Variants in DDX19B observed in about 807,000 individuals in gnomAD.
DDX19B encodes DEAD-box helicase 19B.
Under a neutral mutation model 58.1 loss-of-function variants are expected in DDX19B, and 27 were observed. The ratio of observed to expected loss-of-function variants is 0.46; its 90% confidence interval spans 0.34 to 0.64. The LOEUF (loss-of-function observed/expected upper bound fraction) is 0.64. DDX19B is among the 30% of genes least tolerant of loss of function. The probability of loss-of-function intolerance (pLI) is 0.01; values close to 1 mark genes in which losing one functional copy is unlikely to be tolerated. For synonymous variants in DDX19B, 187 were observed against 214.4 expected (o/e 0.87, Z 1.12); for missense variants, 399 against 596.5 (o/e 0.67, Z 3.45).
intron 5 of DDX19B, among the ~76,000 whole-genome samples, chr16:70,321,345 C>G (rs1597488377): frequency 6.6e-6 from 1 of 152,110 alleles, no homozygotes; most frequent in Non-Finnish European, 1.5e-5. Flanking sequence ...GTCTTGAACT[C>G]CTACGCTCAA....
chr16:70,295,845 T>C (rs1213364733), upstream of DDX19B, among the ~76,000 whole-genome samples: 1 of 151,484 alleles, frequency 6.6e-6, no homozygotes, highest in Non-Finnish European at 1.5e-5. Flanking sequence ...GCCACTGCAC[T>C]CCAGCCTGGG....
chr16:70,292,671 T>G (rs1961090827), upstream of DDX19B, among the ~76,000 whole-genome samples: 3 of 152,194 alleles, frequency 2.0e-5, no homozygotes. Flanking sequence ...GGCCTGTAGG[T>G]GGGAGTGAGC....
chr16:70,311,319 G>T (rs972822517), intron 1 of DDX19B, among the ~76,000 whole-genome samples: 2 of 151,826 alleles, frequency 1.3e-5, no homozygotes, highest in African/African-American at 2.4e-5. Context: ...GGCAGAGCTT[G>T]CAGTGAGCTG....
chr16:70,330,145 C>T, intron 9 of DDX19B, 77 bp downstream of exon 9: 1 of 1,530,666 alleles, frequency 6.5e-7, no homozygotes, highest in Admixed American at 1.8e-5. Context: ...GGACTGGATG[C>T]CCCTGGGTGC....
At chr16:70,322,891 CA>C (rs113261271) in intron 5 of DDX19B, among the ~76,000 whole-genome samples, 670 of 48,152 alleles carry the variant, frequency 0.014, no homozygotes, top group African/African-American at 0.016. Context: ...AACTCCGTTG[CA>C]AAAAAAAAAA....
At position 70,314,776 on chromosome 16, in the gene DDX19B, G is replaced by C. The variant is rs772606299; in HGVS notation, c.107-126G>C. 5.7e-4 allele frequency: 512 copies of C among 894,244 alleles called. 2 individuals are homozygous for C. The highest frequency in any genetic ancestry group is 2.3e-3 in the Middle Eastern group (10 of 4,444). The allele number at this position is 894,244 out of a possible 1,614,324, so 55.4% of individuals were successfully genotyped here. A position where few individuals can be genotyped will look rare whatever the true frequency, so the allele number is the denominator to read the frequency against. On this transcript the variant is annotated intron_variant, in intron 2 of 11. Coordinates refer to ENST00000288071, the MANE Select transcript of DDX19B (RefSeq NM_007242.7). ...AATAAAATGTTTTTATCAGCGGCTC[G>C]GTTTCCTCATTTATTTTTTGCTCCC...
intron 7 of DDX19B, 40 bp downstream of exon 7, chr16:70,325,728 C>A: frequency 6.9e-7 from 1 of 1,439,282 alleles, no homozygotes; most frequent in Non-Finnish European, 9.7e-7. Context: ...CAACCTAATT[C>A]TTTTTATTTT....
chr16:70,328,082 A>T (rs1249322901), intron 7 of DDX19B, among the ~76,000 whole-genome samples: 1 of 150,742 alleles, frequency 6.6e-6, no homozygotes, highest in East Asian at 2.0e-4. Flanking sequence ...TGAACCCGGG[A>T]GGGGGAGGTT....
At chr16:70,299,429 TC>T (rs1961367507) in intron 1 of DDX19B, 75 bp downstream of exon 1, 2 of 1,475,942 alleles carry the variant, frequency 1.4e-6, no homozygotes, top group Admixed American at 4.7e-5. Flanking sequence ...AAAGAATGTT[TC>T]CCAGGTTGAT....
At chr16:70,303,247 C>G (rs1475032068) in intron 1 of DDX19B, among the ~76,000 whole-genome samples, 6 of 152,154 alleles carry the variant, frequency 3.9e-5, no homozygotes, top group Non-Finnish European at 8.8e-5. Flanking sequence ...CTCCTGGGCT[C>G]AAGGGATTCT....
intron 5 of DDX19B, among the ~76,000 whole-genome samples, chr16:70,318,250 T>G (rs1962548905): frequency 6.6e-6 from 1 of 151,856 alleles, no homozygotes; most frequent in African/African-American, 2.4e-5. Context: ...GGTGTGCTCC[T>G]GTAGTCCCAG....
At chr16:70,304,143 C>A (rs1286683642) in intron 1 of DDX19B, among the ~76,000 whole-genome samples, 1 of 151,218 alleles carries the variant, frequency 6.6e-6, no homozygotes, top group African/African-American at 2.4e-5. Flanking sequence ...GGGGTTCAAG[C>A]AATTCTCCTG....
chr16:70,297,107 G>T (rs1028258813), upstream of DDX19B, among the ~76,000 whole-genome samples: 3 of 152,054 alleles, frequency 2.0e-5, no homozygotes, highest in Admixed American at 2.0e-4. Flanking sequence ...GTAGAGACAG[G>T]GTTTCACCAT....
At chr16:70,314,724 G>A (rs1043045462) in intron 2 of DDX19B, 178 bp from the exon 3 acceptor site, 8 of 572,524 alleles carry the variant, frequency 1.4e-5, no homozygotes, top group South Asian at 1.0e-4. Context: ...GAGCAACAGT[G>A]TTTTACACCT....
Position 70,329,885 on chromosome 16 carries a change from T to C in DDX19B, c.840T>C (p.Ser280=), listed in dbSNP as rs997554307. Residue 280 remains serine, a synonymous_variant, in exon 9 of 12, where the codon TCT becomes TCC. Coordinates refer to ENST00000288071, the MANE Select transcript of DDX19B (RefSeq NM_007242.7). The stretch of plus-strand genomic sequence containing the variant: ...TTTTCTCCGCCACCTTTGAAGACTC[T>C]GTGTGGAAGTTTGCCCAGAAAGTGG... The part of the protein sequence containing the change: ...MLLFSATFED[S]VWKFAQKVVP... The C allele has an allele frequency of 1.2e-6, 2 of 1,614,110 alleles. No individual in the cohort carries two copies. Among genetic ancestry groups the C allele is most frequent in the African/African-American group, 2.7e-5 (2 of 74,930 alleles).
intron 5 of DDX19B, among the ~76,000 whole-genome samples, chr16:70,319,259 A>G (rs1412586659): frequency 6.6e-6 from 1 of 152,230 alleles, no homozygotes; most frequent in African/African-American, 2.4e-5. Flanking sequence ...TGTGTCAAAT[A>G]TAATAGAAGC....
upstream of DDX19B, among the ~76,000 whole-genome samples, chr16:70,297,510 G>T (rs1176323344): frequency 6.6e-6 from 1 of 152,192 alleles, no homozygotes; most frequent in Non-Finnish European, 1.5e-5. Flanking sequence ...ATTGTGCCCG[G>T]CCTCATGGCT....
At chr16:70,296,506 G>T (rs141961237), upstream of DDX19B, among the ~76,000 whole-genome samples, 1 of 151,960 alleles carries the variant, frequency 6.6e-6, no homozygotes, top group Non-Finnish European at 1.5e-5. Context: ...GGGGGTTCCT[G>T]TTTGTTTTGT....
At chr16:70,324,362 CAAAAA>C (rs57977602) in intron 5 of DDX19B, among the ~76,000 whole-genome samples, 1,022 of 48,846 alleles carry the variant, frequency 0.021, 12 homozygotes, top group African/African-American at 0.074. Flanking sequence ...GACCTAATCT[CAAAAA>C]AAAAAAAAAA....
Sources: gnomAD v4.1 joint callset for allele counts (sites outside exome capture counted in the v4.1 genomes callset) on GRCh38, gnomAD v4.1.1 for gene constraint, MANE v1.5 for transcripts, NCBI Gene and HGNC (gene_info 2026-07-23, HGNC 2026-07-21) for gene names.